ADGRB3: variants seen among roughly 807,000 people sequenced by gnomAD.
ADGRB3 encodes brain-specific angiogenesis inhibitor 3.
ADGRB3 carries 37 observed loss-of-function variants against 193.4 expected under a neutral mutation model. That is an observed-to-expected ratio of 0.19 (90% CI 0.15 to 0.25). ADGRB3 has a LOEUF of 0.25. Ranked by LOEUF, ADGRB3 falls within the 10% of genes least tolerant of loss-of-function variation. ADGRB3 has a pLI of 1.00. For missense variants in ADGRB3, 1,637 were observed against 1,852.9 expected, an observed-to-expected ratio of 0.88 and a Z score of 2.14; for synonymous variants, 690 against 644.2, an observed-to-expected ratio of 1.07 and a Z score of -1.08.
chr6:69,104,623 T>C (rs1289578275), intron 17 of ADGRB3, among the ~76,000 whole-genome samples: 1 of 152,104 alleles, frequency 6.6e-6, no homozygotes, highest in Non-Finnish European at 1.5e-5. Context: ...CTCTTTTCTA[T>C]AATATAGTAT....
At chr6:69,292,601 G>T (rs1767712574) in intron 20 of ADGRB3, among the ~76,000 whole-genome samples, 2 of 152,006 alleles carry the variant, frequency 1.3e-5, no homozygotes, top group Admixed American at 6.6e-5. Context: ...AACTACATTT[G>T]TCAGACTCTG....
chr6:69,244,121 T>C (rs1258677597), intron 20 of ADGRB3, among the ~76,000 whole-genome samples: 2 of 152,038 alleles, frequency 1.3e-5, no homozygotes, highest in African/African-American at 4.8e-5. Context: ...GTGTGGAGCA[T>C]TGTATTACAT....
intron 3 of ADGRB3, among the ~76,000 whole-genome samples, chr6:68,775,393 T>A (rs984908488): frequency 6.6e-6 from 1 of 152,014 alleles, no homozygotes; most frequent in African/African-American, 2.4e-5. Flanking sequence ...GACGTGGTTA[T>A]AGAGAGTGAG....
chr6:68,861,396 C>A (rs146971790), intron 3 of ADGRB3, among the ~76,000 whole-genome samples: 1 of 152,000 alleles, frequency 6.6e-6, no homozygotes, highest in Non-Finnish European at 1.5e-5. Context: ...CCCGTCTCTA[C>A]TAAAAATACA....
chr6:69,234,450 T>C (rs1344382136), intron 18 of ADGRB3, among the ~76,000 whole-genome samples: 3 of 152,144 alleles, frequency 2.0e-5, no homozygotes, highest in Admixed American at 2.0e-4. Flanking sequence ...TACTTGAAGG[T>C]TTTAAATTTG....
intron 3 of ADGRB3, among the ~76,000 whole-genome samples, chr6:68,875,556 C>A (rs1765575224): frequency 6.6e-6 from 1 of 151,704 alleles, no homozygotes; most frequent in African/African-American, 2.4e-5. Flanking sequence ...TGATGTATGA[C>A]TATTATTTAC....
At chr6:68,818,372 A>G (rs1463654331) in intron 3 of ADGRB3, among the ~76,000 whole-genome samples, 1 of 152,084 alleles carries the variant, frequency 6.6e-6, no homozygotes, top group East Asian at 1.9e-4. Flanking sequence ...ATTTAGCACT[A>G]TGCCTGGCAC....
At chr6:68,946,935 C>T (rs1767789947) in intron 6 of ADGRB3, among the ~76,000 whole-genome samples, 1 of 152,074 alleles carries the variant, frequency 6.6e-6, no homozygotes, top group Admixed American at 6.6e-5. Context: ...AATATGCTAT[C>T]AGATTCCTTG....
intron 3 of ADGRB3, among the ~76,000 whole-genome samples, chr6:68,916,829 C>G (rs1331262865): frequency 6.6e-6 from 1 of 152,128 alleles, no homozygotes; most frequent in Non-Finnish European, 1.5e-5. Context: ...GCAAGATGGT[C>G]TTGAAGGTGT....
At chr6:68,959,014 A>T (rs896444881) in intron 8 of ADGRB3, among the ~76,000 whole-genome samples, 7 of 152,080 alleles carry the variant, frequency 4.6e-5, no homozygotes, top group African/African-American at 1.4e-4. Context: ...AATTTCAAAA[A>T]TACCTCTGCT....
At position 69,171,541 on chromosome 6, in the gene ADGRB3, C is replaced by G. The variant is rs570542066; in HGVS notation, c.2481-61749C>G. On this transcript the variant is annotated intron_variant, in intron 17 of 31. Coordinates refer to ENST00000370598, the MANE Select transcript of ADGRB3 (RefSeq NM_001704.3). Reference sequence around the variant, plus strand: ...TTGTATGAAGATGCATATGATTTATCTTAGTCTCTTCCCTTGGGTATAGTT... The same window carrying G: ...TTGTATGAAGATGCATATGATTTATGTTAGTCTCTTCCCTTGGGTATAGTT... 3.9e-5 allele frequency among the ~76,000 whole-genome samples: 6 copies of G among 152,246 alleles called. No homozygotes were observed. In the South Asian group the frequency reaches 1.2e-3, roughly 32 times the overall value.
At chr6:68,683,417 A>C (rs1188573241) in intron 3 of ADGRB3, among the ~76,000 whole-genome samples, 3 of 152,176 alleles carry the variant, frequency 2.0e-5, no homozygotes, top group African/African-American at 7.2e-5. Flanking sequence ...GTTGATTTGG[A>C]AAATTTGTTT....
At chr6:68,812,895 A>G (rs1270165707) in intron 3 of ADGRB3, among the ~76,000 whole-genome samples, 22 of 149,902 alleles carry the variant, frequency 1.5e-4, no homozygotes, top group Non-Finnish European at 3.3e-4. Flanking sequence ...TCATTGTTAA[A>G]CTCCCAGTTA....
intron 3 of ADGRB3, among the ~76,000 whole-genome samples, chr6:68,814,405 TTTG>T (rs1767583861): frequency 1.3e-5 from 2 of 152,208 alleles, no homozygotes; most frequent in Non-Finnish European, 2.9e-5. Context: ...GATGGTGTTG[TTTG>T]TTTTTTTCTT....
chr6:69,226,348 T>A (rs1019560365), intron 17 of ADGRB3, among the ~76,000 whole-genome samples: 5 of 152,282 alleles, frequency 3.3e-5, no homozygotes, highest in Non-Finnish European at 7.3e-5. Flanking sequence ...TCCAACTATA[T>A]CAAATCAAAA....
intron 3 of ADGRB3, among the ~76,000 whole-genome samples, chr6:68,797,597 G>A (rs1334055381): frequency 6.6e-6 from 1 of 152,026 alleles, no homozygotes; most frequent in East Asian, 1.9e-4. Context: ...GAGTACTTAA[G>A]GGTTAGGCCT....
rs188940031 is a variant in ADGRB3, at chr6:68,823,548, C to T, written c.758-107011C>T. Among the ~76,000 whole-genome samples the T allele has an allele frequency of 1.6e-3, 237 of 151,876 alleles. 3 individuals are homozygous for T. Among genetic ancestry groups the T allele is most frequent in the Non-Finnish European group, 1.6e-3 (109 of 67,842 alleles). ...TTTCAGACATAAAACATGATAAATA[C>T]GAATGATATTTTTCTGTCATGGATG... On this transcript the variant is annotated intron_variant, in intron 3 of 31. Transcript: ENST00000370598.
intron 3 of ADGRB3, among the ~76,000 whole-genome samples, chr6:68,639,682 A>G (rs1381284082): frequency 6.6e-6 from 1 of 152,172 alleles, no homozygotes; most frequent in East Asian, 1.9e-4. Flanking sequence ...CAGGAGAAAG[A>G]TGCAGAAACC....
At chr6:69,222,469 C>G (rs1316467245) in intron 17 of ADGRB3, among the ~76,000 whole-genome samples, 2 of 152,162 alleles carry the variant, frequency 1.3e-5, no homozygotes, top group African/African-American at 4.8e-5. Context: ...TGACAGTACT[C>G]TGGTTGTGTA....
Sources: gnomAD v4.1 joint callset for allele counts (sites outside exome capture counted in the v4.1 genomes callset) on GRCh38, gnomAD v4.1.1 for gene constraint, MANE v1.5 for transcripts, NCBI Gene and HGNC (gene_info 2026-07-23, HGNC 2026-07-21) for gene names.